The following NCALD variants were observed in gnomAD, a reference collection of about 807,000 sequenced individuals.
NCALD encodes neurocalcin-delta.
NCALD carries 10 observed loss-of-function variants against 18.6 expected under a neutral mutation model. The ratio of observed to expected loss-of-function variants is 0.54; its 90% CI spans 0.33 to 0.91. The LOEUF is 0.91. NCALD is among the 40% of genes least tolerant of loss of function. The pLI is 0.03. For synonymous variants in NCALD, 88 were observed against 87.4 expected (o/e 1.01, Z -0.04); for missense variants, 184 against 247.6 (o/e 0.74, Z 1.72).
intron 2 of NCALD, among the ~76,000 whole-genome samples, chr8:101,951,625 G>C (rs1168055041): frequency 1.3e-5 from 2 of 152,192 alleles, no homozygotes; most frequent in Non-Finnish European, 2.9e-5. Context: ...AACACTTCAT[G>C]TGTGTATCAT....
In NCALD at chr8:101,727,294, T is replaced by A. The variant is rs184716715; in HGVS notation, c.-19-7646A>T. The stretch of plus-strand genomic sequence containing the variant: ...AAAATTTGTCTTAAATCCATTCACT[T>A]CTTGCCGTTTCCATTGTCAGCACCT... On this transcript the variant is annotated intron_variant, in intron 1 of 3. Transcript: ENST00000220931. 8.5e-5 allele frequency among the ~76,000 whole-genome samples: 13 copies of A among 152,300 alleles called. No homozygotes were observed. The East Asian group carries it at 1.9e-3, about 23-fold the overall frequency.
chr8:101,942,422 A>G (rs1818993749), intron 2 of NCALD, among the ~76,000 whole-genome samples: 2 of 152,246 alleles, frequency 1.3e-5, no homozygotes, highest in African/African-American at 2.4e-5. Context: ...CCAATAGAGA[A>G]AACAGAATCC....
At chr8:101,691,249 C>CA (rs940151064) in intron 3 of NCALD, 5 of 984,310 alleles carry the variant, frequency 5.1e-6, no homozygotes, top group Admixed American at 6.2e-5. Context: ...CTACAGCTCC[C>CA]ACCCCCCTCT....
rs149463404 is a variant in NCALD, at chr8:101,824,100, G to A, written c.-20+63041C>T. 3.1e-3 allele frequency among the ~76,000 whole-genome samples: 471 copies of A among 152,200 alleles called. 6 individuals are homozygous for A. Among genetic ancestry groups the A allele is most frequent in the African/African-American group, 0.011 (449 of 41,514 alleles). On this transcript the variant is annotated intron_variant, in intron 4 of 6. Coordinates refer to the NCALD transcript ENST00000311028. ...CTTTGTTCTGATCTCAAAGAATAAG[G>A]GAAGAACAAAATACCTCCTGGAAGT... is the stretch of plus-strand genomic sequence containing the variant.
chr8:101,703,774 A>T (rs2130184910), intron 2 of NCALD, among the ~76,000 whole-genome samples: 1 of 152,266 alleles, frequency 6.6e-6, no homozygotes, highest in South Asian at 2.1e-4. Context: ...GGACAGAATA[A>T]AAGAGAAGAG....
In NCALD at chr8:102,054,709, GATAGA is replaced by G. The variant is rs1563578272; in HGVS notation, c.-209-34425_-209-34421del. Among the ~76,000 whole-genome samples the G allele has an allele frequency of 1.7e-3, 186 of 112,346 alleles. 1 individual carries two copies. Among genetic ancestry groups the G allele is most frequent in the African/African-American group, 5.6e-3 (177 of 31,812 alleles). The allele number at this position is 112,346 out of a possible 152,430, so 73.7% of individuals were successfully genotyped here. On this transcript the variant is annotated intron_variant, in intron 1 of 6. Transcript: ENST00000311028. Reference sequence around the variant, plus strand: ...AGATAGATAGATAGATAGATAGATAGATAGATAGATATCCTATAGATAGATAGATA... The same window carrying G: ...AGATAGATAGATAGATAGATAGATAGTAGATATCCTATAGATAGATAGATA...
At chr8:102,044,995 CA>C (rs34080312) in intron 1 of NCALD, among the ~76,000 whole-genome samples, 1 of 151,828 alleles carries the variant, frequency 6.6e-6, no homozygotes, top group Non-Finnish European at 1.5e-5. Context: ...AACAGCTCTA[CA>C]AAAAAAGAAT....
intron 4 of NCALD, among the ~76,000 whole-genome samples, chr8:101,796,301 C>T (rs1198243588): frequency 6.6e-6 from 1 of 152,156 alleles, no homozygotes. Flanking sequence ...TCAATTCAAT[C>T]CCAAATCACT....
In NCALD at chr8:101,686,655, G is replaced by A. The variant is rs1482487034; in HGVS notation, c.*2654C>T. 6.6e-6 allele frequency: 1 copy of A among 152,492 alleles called. No homozygotes were observed. The highest frequency in any genetic ancestry group is 1.5e-5 in the Non-Finnish European group (1 of 68,050). The allele number at this position is 152,492 out of a possible 1,614,324, so 9.4% of individuals were successfully genotyped here. A position where few individuals can be genotyped will look rare whatever the true frequency, so the allele number is the denominator to read the frequency against. On this transcript the variant is annotated 3_prime_UTR_variant, in exon 4 of 4. Transcript: ENST00000220931. ...AATTATATATTATTAAATCCACCGTGGGCATACAGATGGGATGGGACAGCA... is the reference window on the plus strand; with the variant it reads ...AATTATATATTATTAAATCCACCGTAGGCATACAGATGGGATGGGACAGCA...
At chr8:101,719,718 A>T in intron 1 of NCALD, 70 bp from the exon 2 acceptor site, 1 of 1,388,836 alleles carries the variant, frequency 7.2e-7, no homozygotes, top group Non-Finnish European at 9.6e-7. Context: ...ATAATTTGTA[A>T]TTGTTCCTTT....
chr8:101,802,125 A>G (rs1294742901), intron 4 of NCALD, among the ~76,000 whole-genome samples: 1 of 152,090 alleles, frequency 6.6e-6, no homozygotes, highest in African/African-American at 2.4e-5. Context: ...CATCTGGGTA[A>G]TTCTTGCAAT....
intron 4 of NCALD, among the ~76,000 whole-genome samples, chr8:101,804,579 T>TG (rs1813017473): frequency 4.9e-5 from 6 of 121,432 alleles, no homozygotes; most frequent in East Asian, 2.2e-4. Flanking sequence ...TTAATATAAT[T>TG]AATTATATAA....
At chr8:101,879,483 A>G (rs938793652) in intron 4 of NCALD, among the ~76,000 whole-genome samples, 1 of 152,180 alleles carries the variant, frequency 6.6e-6, no homozygotes, top group Non-Finnish European at 1.5e-5. Flanking sequence ...TGAGTGTTAC[A>G]GCTCATAAAG....
chr8:102,057,879 T>C (rs1350298865), intron 1 of NCALD, among the ~76,000 whole-genome samples: 1 of 152,260 alleles, frequency 6.6e-6, no homozygotes, highest in Non-Finnish European at 1.5e-5. Flanking sequence ...GCTCTTAGAA[T>C]CTGAGCTTTT....
At chr8:101,926,917 C>T (rs1818354855) in intron 2 of NCALD, among the ~76,000 whole-genome samples, 1 of 152,068 alleles carries the variant, frequency 6.6e-6, no homozygotes, top group African/African-American at 2.4e-5. Context: ...TTTTTTGTTC[C>T]TATACCATAC....
At chr8:101,784,284 T>C (rs1196451906) in intron 1 of NCALD, among the ~76,000 whole-genome samples, 1 of 152,084 alleles carries the variant, frequency 6.6e-6, no homozygotes, top group African/African-American at 2.4e-5. Context: ...CTCTATGTGG[T>C]CTGGGTTTCC....
chr8:101,804,510 T>A (rs1282053474), intron 4 of NCALD, among the ~76,000 whole-genome samples: 2 of 124,240 alleles, frequency 1.6e-5, no homozygotes, highest in Non-Finnish European at 3.1e-5. Flanking sequence ...ATTAATTATA[T>A]AATATATAAC....
chr8:101,710,481 C>A (rs1347723397), intron 2 of NCALD, among the ~76,000 whole-genome samples: 1 of 152,218 alleles, frequency 6.6e-6, no homozygotes, highest in East Asian at 1.9e-4. Context: ...GTGGGTCCCA[C>A]CCCTAAGAAT....
intron 1 of NCALD, among the ~76,000 whole-genome samples, chr8:102,065,405 A>G (rs1823979018): frequency 6.6e-6 from 1 of 152,196 alleles, no homozygotes; most frequent in Non-Finnish European, 1.5e-5. Context: ...CTTCTGTCCA[A>G]GCTACCAATA....
Sources: allele counts gnomAD v4.1 joint callset (sites outside exome capture counted in the v4.1 genomes callset), GRCh38; gene constraint gnomAD v4.1.1; transcripts MANE v1.5; gene names NCBI Gene and HGNC (gene_info 2026-07-23, HGNC 2026-07-21).